NAA60: variants seen among roughly 807,000 people sequenced by gnomAD.
NAA60 encodes the protein N-alpha-acetyltransferase 60, NatF catalytic subunit.
Under a neutral mutation model 26.1 loss-of-function variants are expected in NAA60, and 8 were observed. The observed-to-expected ratio is 0.31, with a 90% CI of 0.18 to 0.55. NAA60 has a LOEUF of 0.55. Among genes scored for constraint, NAA60 ranks in the 20% least tolerant of loss-of-function variants. The pLI is 0.93. For synonymous variants in NAA60, 131 were observed against 122.5 expected (o/e 1.07, Z -0.46); for missense variants, 290 against 311.3 (o/e 0.93, Z 0.51).
Position 3,485,647 on chromosome 16 carries a change from A to C in NAA60, c.*387A>C, listed in dbSNP as rs1353542768. The C allele has an allele frequency of 4.4e-6, 2 of 456,520 alleles. No individual in the cohort carries two copies. The highest frequency in any genetic ancestry group is 8.8e-6 in the Non-Finnish European group (2 of 226,944). The allele number at this position is 456,520 out of a possible 1,614,324, so 28.3% of individuals were successfully genotyped here. ...TTGCAGCTCCTTCCTGGAAAGCTGGAGGGGACTTTCTCCTGCAAGGGAGGA... is the reference window on the plus strand; with the variant it reads ...TTGCAGCTCCTTCCTGGAAAGCTGGCGGGGACTTTCTCCTGCAAGGGAGGA... On this transcript the variant is annotated 3_prime_UTR_variant, in exon 8 of 8. Transcript: ENST00000407558.
At chr16:3,467,111 G>A (rs2035813836) in intron 2 of NAA60, among the ~76,000 whole-genome samples, 1 of 152,138 alleles carries the variant, frequency 6.6e-6, no homozygotes, top group Admixed American at 6.5e-5. Flanking sequence ...AGAGCCTGAG[G>A]AGCTGGACCA....
chr16:3,483,153 C>T (rs148924892), intron 5 of NAA60, among the ~76,000 whole-genome samples: 4 of 152,364 alleles, frequency 2.6e-5, no homozygotes, highest in South Asian at 2.1e-4. Flanking sequence ...ACCAGGCCAC[C>T]TCTGCAGTCC....
intron 2 of NAA60, among the ~76,000 whole-genome samples, chr16:3,475,266 T>G (rs1224342084): frequency 2.0e-5 from 3 of 152,072 alleles, no homozygotes; most frequent in Non-Finnish European, 4.4e-5. Flanking sequence ...ATTTTTGTAT[T>G]TTTTGTAGAG....
intron 2 of NAA60, among the ~76,000 whole-genome samples, chr16:3,475,868 G>T (rs1020806501): frequency 6.6e-6 from 1 of 152,258 alleles, no homozygotes; most frequent in African/African-American, 2.4e-5. Context: ...GAGAAGTCAG[G>T]CTGGCTGGGG....
intron 1 of NAA60, chr16:3,447,533 C>G (rs1188537239): frequency 1.0e-6 from 1 of 985,442 alleles, no homozygotes; most frequent in Non-Finnish European, 1.2e-6. Context: ...GGCTCTGGTT[C>G]TTACCGCCTT....
At chr16:3,465,216 G>A (rs1444815796) in intron 2 of NAA60, among the ~76,000 whole-genome samples, 2 of 147,494 alleles carry the variant, frequency 1.4e-5, no homozygotes, top group Non-Finnish European at 3.0e-5. Context: ...GCAGTGAGCC[G>A]AAATTTTGCC....
At chr16:3,448,798 A>G in intron 2 of NAA60, 1 of 353,160 alleles carries the variant, frequency 2.8e-6, no homozygotes, top group Admixed American at 4.4e-5. Flanking sequence ...AGTAAACAAG[A>G]TTTGGTTTAA....
intron 1 of NAA60, 139 bp downstream of exon 1, chr16:3,443,976 A>G: frequency 7.3e-7 from 1 of 1,367,730 alleles, no homozygotes; most frequent in East Asian, 2.7e-5. Flanking sequence ...GCCGTGGAAC[A>G]TGAAGGAGTA....
intron 5 of NAA60, 193 bp downstream of exon 5, chr16:3,482,791 C>G: frequency 1.6e-6 from 1 of 613,190 alleles, no homozygotes; most frequent in East Asian, 2.8e-5. Flanking sequence ...GCACACCCAC[C>G]ACCTTCAGCC....
intron 3 of NAA60, among the ~76,000 whole-genome samples, chr16:3,478,248 A>G (rs117167956): frequency 0.018 from 2,816 of 152,270 alleles, 33 homozygotes; most frequent in Middle Eastern, 0.068. Context: ...AATAAAAATA[A>G]AAACGTGTTC....
At position 3,483,616 on chromosome 16, in the gene NAA60, G is replaced by A; in HGVS notation, c.572+19G>A. On this transcript the variant is annotated intron_variant, in intron 6 of 7. Transcript: ENST00000407558. Reference sequence around the variant, plus strand: ...CGATTTTATATCCTTAACTTCTGGGGGAGAGGGACTGTGGCTTCCTGTCCA... The same window carrying A: ...CGATTTTATATCCTTAACTTCTGGGAGAGAGGGACTGTGGCTTCCTGTCCA... The A allele has an allele frequency of 1.3e-6, 2 of 1,585,980 alleles. No homozygotes were observed. The highest frequency in any genetic ancestry group is 1.7e-6 in the Non-Finnish European group (2 of 1,156,442).
chr16:3,455,935 G>T (rs540240226), intron 2 of NAA60, among the ~76,000 whole-genome samples: 32 of 151,738 alleles, frequency 2.1e-4, no homozygotes, highest in African/African-American at 7.7e-4. Flanking sequence ...TCGATATCTT[G>T]ACCTCATGGT....
At chr16:3,465,735 T>TTTTGC in intron 2 of NAA60, among the ~76,000 whole-genome samples, 1 of 152,098 alleles carries the variant, frequency 6.6e-6, no homozygotes, top group Non-Finnish European at 1.5e-5. Context: ...GCCGTGAGAT[T>TTTTGC]CCTCTAGCAA....
At chr16:3,462,891 A>T (rs983844304) in intron 2 of NAA60, among the ~76,000 whole-genome samples, 4 of 152,206 alleles carry the variant, frequency 2.6e-5, no homozygotes, top group African/African-American at 9.7e-5. Context: ...AGAAAAGGAA[A>T]ATGCCTTTTT....
Position 3,448,490 on chromosome 16 carries a change from T to C in NAA60, c.-57T>C, listed in dbSNP as rs577155709. On this transcript the variant is annotated 5_prime_UTR_variant, in exon 2 of 8. Coordinates refer to ENST00000407558, the MANE Select transcript of NAA60 (RefSeq NM_001083601.3). ...CTGCAGCATACAGAAAGGCTGTACC[T>C]GGAGGAAGGAAGTGCGGAGCCAGCC... 102 of 1,535,558 alleles carry C rather than the reference T, an allele frequency of 6.6e-5. No individual in the cohort carries two copies. The highest frequency in any genetic ancestry group is 8.6e-5 in the Non-Finnish European group (99 of 1,146,866).
chr16:3,458,462 C>T (rs781387704), intron 2 of NAA60, among the ~76,000 whole-genome samples: 1 of 152,194 alleles, frequency 6.6e-6, no homozygotes, highest in African/African-American at 2.4e-5. Context: ...CTGGGGGTTG[C>T]GTCAGTGTCC....
At chr16:3,485,166 G>A in intron 7 of NAA60, 105 bp downstream of exon 7, 1 of 763,284 alleles carries the variant, frequency 1.3e-6, no homozygotes, top group Non-Finnish European at 2.3e-6. Context: ...AGGGGCCGTG[G>A]GGACTGCAGA....
intron 2 of NAA60, among the ~76,000 whole-genome samples, chr16:3,466,320 G>A (rs1422194334): frequency 6.6e-6 from 1 of 152,214 alleles, no homozygotes; most frequent in African/African-American, 2.4e-5. Flanking sequence ...ATAGAGTGGT[G>A]GGTGTTTGCT....
chr16:3,449,411 G>A (rs1189478746), intron 2 of NAA60, among the ~76,000 whole-genome samples: 1 of 152,142 alleles, frequency 6.6e-6, no homozygotes, highest in East Asian at 1.9e-4. Flanking sequence ...CCAGCTACTT[G>A]GGAGGCTGAG....
Sources: allele counts gnomAD v4.1 joint callset (sites outside exome capture counted in the v4.1 genomes callset), GRCh38; gene constraint gnomAD v4.1.1; transcripts MANE v1.5; gene names NCBI Gene and HGNC (gene_info 2026-07-23, HGNC 2026-07-21).